LDLRAD3: variants seen among roughly 807,000 people sequenced by gnomAD.
LDLRAD3 encodes the protein low density lipoprotein receptor class A domain containing 3, also known as low-density lipoprotein receptor class A domain-containing protein 3.
LDLRAD3 carries 20 observed loss-of-function variants against 29.4 expected under a neutral mutation model. That is an observed-to-expected ratio of 0.68 (90% CI 0.48 to 0.99). The LOEUF (loss-of-function observed/expected upper bound fraction) is 0.99, where lower values mean the gene tolerates loss of function less well. Ranked by LOEUF, LDLRAD3 falls within the 50% of genes least tolerant of loss-of-function variation. LDLRAD3 has a pLI of 0.00. For synonymous variants in LDLRAD3, 157 were observed against 192.7 expected (o/e 0.81, Z 1.53); for missense variants, 420 against 454.3 (o/e 0.92, Z 0.69).
In LDLRAD3 at chr11:35,965,883, G is replaced by A. The variant is rs1011159312; in HGVS notation, c.46+21739G>A. Among the ~76,000 whole-genome samples, 6 of 152,230 alleles carry A rather than the reference G, an allele frequency of 3.9e-5. No homozygotes were observed. The East Asian group carries it at 1.2e-3, about 29-fold the overall frequency. On this transcript the variant is annotated intron_variant, in intron 1 of 5. Transcript: ENST00000315571. Reference sequence around the variant, plus strand: ...ATTAACAGGTTGCATTCATTAAGATGACACAAACAATTTATCAAATACCTT... The same window carrying A: ...ATTAACAGGTTGCATTCATTAAGATAACACAAACAATTTATCAAATACCTT...
Position 36,001,544 on chromosome 11 carries a change from A to T in LDLRAD3, c.47-34559A>T, listed in dbSNP as rs139677658. Among the ~76,000 whole-genome samples, 20 of 152,360 alleles carry T rather than the reference A, an allele frequency of 1.3e-4. No individual in the cohort carries two copies. In the East Asian group the frequency reaches 3.9e-3, roughly 29 times the overall value. Reference sequence around the variant, plus strand: ...TGGGTGAAATGGTTGCTTCAGAATCAAAGCTCAACCTACTTTGACTTACTG... The same window carrying T: ...TGGGTGAAATGGTTGCTTCAGAATCTAAGCTCAACCTACTTTGACTTACTG... On this transcript the variant is annotated intron_variant, in intron 1 of 5. Transcript: ENST00000315571.
chr11:36,161,430 G>A (rs1314833590), intron 4 of LDLRAD3, among the ~76,000 whole-genome samples: 1 of 152,030 alleles, frequency 6.6e-6, no homozygotes, highest in Non-Finnish European at 1.5e-5. Flanking sequence ...TAGCAGACAG[G>A]CCATCATATA....
At chr11:36,059,373 A>G (rs1852665635) in intron 2 of LDLRAD3, among the ~76,000 whole-genome samples, 2 of 151,558 alleles carry the variant, frequency 1.3e-5, no homozygotes, top group South Asian at 4.2e-4. Flanking sequence ...AAAAAAAAAA[A>G]AGATAAGGTC....
At position 36,081,711 on chromosome 11, in the gene LDLRAD3, C is replaced by A; in HGVS notation, c.252C>A (p.Cys84Ter). The stretch of plus-strand genomic sequence containing the variant: ...TCCCCTGTGCCAGCGGCATCCATTG[C>A]ATCATTGGTCGCTTCCGGTGCAATG... ...TFFPCASGIH[C>*]IIGRFRCNGF... The change falls in exon 3 of 6, where the codon TGC (cysteine) becomes TGA (stop). Residue 84 changes from cysteine to a stop codon, truncating the protein, a stop_gained. Transcript: ENST00000315571. LOFTEE classifies it high-confidence loss of function. 5.6e-6 allele frequency: 9 copies of A among 1,614,218 alleles called. No homozygotes were observed. The highest frequency in any genetic ancestry group is 7.6e-6 in the Non-Finnish European group (9 of 1,180,028).
In LDLRAD3 at chr11:36,165,478, C is replaced by T. The variant is rs1174401579; in HGVS notation, c.455-61607C>T. 3.3e-5 allele frequency among the ~76,000 whole-genome samples: 5 copies of T among 152,042 alleles called. No individual in the cohort carries two copies. In the South Asian group the frequency reaches 1.0e-3, roughly 32 times the overall value. On this transcript the variant is annotated intron_variant, in intron 4 of 5. Coordinates refer to ENST00000315571, the MANE Select transcript of LDLRAD3 (RefSeq NM_174902.4). ...TGTTATCCAAATGGATATCTGTTTA[C>T]ACCCCCACAAGCAATTTGATAGAAC...
At chr11:36,132,175 T>A (rs1488494576) in intron 4 of LDLRAD3, among the ~76,000 whole-genome samples, 1 of 152,102 alleles carries the variant, frequency 6.6e-6, no homozygotes, top group Admixed American at 6.5e-5. Context: ...ATGAACACGA[T>A]ATTAAGCTAT....
intron 1 of LDLRAD3, among the ~76,000 whole-genome samples, chr11:35,972,084 AT>A (rs1434658708): frequency 6.6e-6 from 1 of 152,018 alleles, no homozygotes; most frequent in African/African-American, 2.4e-5. Context: ...AGGGATGGGG[AT>A]TTGGAAAGTA....
intron 4 of LDLRAD3, among the ~76,000 whole-genome samples, chr11:36,218,748 G>T (rs1855387005): frequency 6.6e-6 from 1 of 152,178 alleles, no homozygotes; most frequent in African/African-American, 2.4e-5. Context: ...AAGATCACTG[G>T]CCCCTCCCCT....
intron 1 of LDLRAD3, among the ~76,000 whole-genome samples, chr11:35,988,587 T>A (rs1469909933): frequency 1.3e-5 from 2 of 150,698 alleles, no homozygotes; most frequent in Non-Finnish European, 3.0e-5. Flanking sequence ...ACTTGTCAAT[T>A]TTTTTTTTGT....
chr11:36,228,219 C>T (rs1437422280), intron 5 of LDLRAD3, among the ~76,000 whole-genome samples: 4 of 152,138 alleles, frequency 2.6e-5, no homozygotes, highest in African/African-American at 9.7e-5. Context: ...CATGGCAGCT[C>T]TTACATTATT....
At chr11:36,173,017 C>G (rs1854619475) in intron 4 of LDLRAD3, among the ~76,000 whole-genome samples, 1 of 152,038 alleles carries the variant, frequency 6.6e-6, no homozygotes, top group Non-Finnish European at 1.5e-5. Flanking sequence ...TGTTATTAGT[C>G]TGTTTAGAGT....
rs997050402 is a variant in LDLRAD3, at chr11:35,981,264, C to T, written c.46+37120C>T. ...GGAGGGAGGGTTTTGTGGTGACAAC[C>T]AGAACTCTGCAGGCAGAGTAACTTG... On this transcript the variant is annotated intron_variant, in intron 1 of 5. Transcript: ENST00000315571. 5.9e-5 allele frequency among the ~76,000 whole-genome samples: 9 copies of T among 152,164 alleles called. No individual in the cohort carries two copies. In the South Asian group the frequency reaches 1.0e-3, roughly 18 times the overall value.
intron 1 of LDLRAD3, chr11:35,966,904 C>T (rs1851348786): frequency 6.5e-6 from 1 of 152,744 alleles, no homozygotes; most frequent in South Asian, 2.1e-4. Flanking sequence ...GAATTCAAAA[C>T]CAAATTCTAT....
intron 4 of LDLRAD3, among the ~76,000 whole-genome samples, chr11:36,203,170 A>T (rs923209677): frequency 6.6e-6 from 1 of 152,108 alleles, no homozygotes; most frequent in Non-Finnish European, 1.5e-5. Flanking sequence ...TAGTGCAATC[A>T]TAGTTCACCG....
At chr11:36,071,666 T>A (rs1403702684) in intron 2 of LDLRAD3, among the ~76,000 whole-genome samples, 1 of 152,236 alleles carries the variant, frequency 6.6e-6, no homozygotes, top group Non-Finnish European at 1.5e-5. Flanking sequence ...ATGCTCGGAT[T>A]TCTGCCTATT....
At chr11:36,004,158 T>G (rs1851857084) in intron 1 of LDLRAD3, among the ~76,000 whole-genome samples, 1 of 152,216 alleles carries the variant, frequency 6.6e-6, no homozygotes, top group Non-Finnish European at 1.5e-5. Context: ...TAGTCTTATT[T>G]CAGCATTAAC....
intron 1 of LDLRAD3, among the ~76,000 whole-genome samples, chr11:35,969,445 CTCAG>C (rs761927052): frequency 6.6e-6 from 1 of 152,222 alleles, no homozygotes; most frequent in Non-Finnish European, 1.5e-5. Context: ...ACTTAATGAG[CTCAG>C]TCAAAGTCAA....
chr11:35,964,410 A>G (rs1851313822), intron 1 of LDLRAD3, among the ~76,000 whole-genome samples: 1 of 152,112 alleles, frequency 6.6e-6, no homozygotes, highest in Non-Finnish European at 1.5e-5. Flanking sequence ...TTCCAGCCCC[A>G]CAGTCTTGCT....
chr11:36,035,934 G>A (rs376683114), intron 1 of LDLRAD3, among the ~76,000 whole-genome samples, 169 bp from the exon 2 acceptor site: 50 of 152,270 alleles, frequency 3.3e-4, no homozygotes, highest in African/African-American at 9.4e-4. Context: ...CTCTGGAGGT[G>A]GACTGGGGCA....
Sources: allele counts gnomAD v4.1 joint callset (sites outside exome capture counted in the v4.1 genomes callset), GRCh38; gene constraint gnomAD v4.1.1; transcripts MANE v1.5; gene names NCBI Gene and HGNC (gene_info 2026-07-23, HGNC 2026-07-21).